CACNA1C: variants seen among roughly 807,000 people sequenced by gnomAD.
The protein encoded by CACNA1C is voltage-dependent L-type calcium channel subunit alpha-1C.
CACNA1C carries 30 observed loss-of-function variants against 229.0 expected under a neutral mutation model. That is an observed-to-expected ratio of 0.13 (90% CI 0.10 to 0.18). The LOEUF (loss-of-function observed/expected upper bound fraction) is 0.18, where lower values mean the gene tolerates loss of function less well. Among genes scored for constraint, CACNA1C ranks in the 10% least tolerant of loss-of-function variants. CACNA1C has a pLI of 1.00. For synonymous variants in CACNA1C, 1,114 were observed against 1,132.5 expected (o/e 0.98, Z 0.33); for missense variants, 1,658 against 2,845.0 (o/e 0.58, Z 9.49).
chr12:2,037,785 C>T (rs1392446330), intron 1 of CACNA1C, among the ~76,000 whole-genome samples: 1 of 152,202 alleles, frequency 6.6e-6, no homozygotes, highest in East Asian at 1.9e-4. Context: ...TCAGCCTCAC[C>T]TGGAAGCTTA....
At chr12:2,432,084 AC>A (rs1231527248) in intron 3 of CACNA1C, among the ~76,000 whole-genome samples, 1 of 152,214 alleles carries the variant, frequency 6.6e-6, no homozygotes, top group African/African-American at 2.4e-5. Context: ...AGCAAGGAGA[AC>A]AGACCCATTT....
At chr12:2,625,043 G>A (rs1461158774) in intron 29 of CACNA1C, among the ~76,000 whole-genome samples, 1 of 152,110 alleles carries the variant, frequency 6.6e-6, no homozygotes, top group Non-Finnish European at 1.5e-5. Context: ...GTGCCACGCA[G>A]TGCTCCTTAG....
At chr12:2,655,282 C>A in intron 34 of CACNA1C, 44 bp downstream of exon 34, 2 of 1,187,700 alleles carry the variant, frequency 1.7e-6, no homozygotes, top group African/African-American at 1.5e-5. Flanking sequence ...CACACACCTG[C>A]ATGGTGCCAC....
At chr12:2,552,855 A>G (rs1355728298) in intron 10 of CACNA1C, among the ~76,000 whole-genome samples, 1 of 152,120 alleles carries the variant, frequency 6.6e-6, no homozygotes, top group African/African-American at 2.4e-5. Context: ...GAGCATGTGA[A>G]GAGGAGTAGC....
Position 2,665,485 on chromosome 12 carries a change from C to A in CACNA1C, c.4399-96C>A. On this transcript the variant is annotated intron_variant, in intron 35 of 46. Transcript: ENST00000399655. The surrounding 1 kb of genome is among the most constrained non-coding windows in gnomAD (Gnocchi z 5.9). ...GATGACTGGTCTTTAGAAATGTTGGCTTCTGCCATCAGTAGGCCCCAGCTG... is the reference window on the plus strand; with the variant it reads ...GATGACTGGTCTTTAGAAATGTTGGATTCTGCCATCAGTAGGCCCCAGCTG... The A allele has an allele frequency of 7.4e-7, 1 of 1,355,018 alleles. No homozygotes were observed. Among genetic ancestry groups the A allele is most frequent in the Non-Finnish European group, 1.0e-6 (1 of 962,166 alleles). 83.9% of individuals were successfully genotyped at this position (1,355,018 alleles called of 1,614,324 possible). A position where few individuals can be genotyped will look rare whatever the true frequency, so the allele number is the denominator to read the frequency against.
chr12:2,106,606 C>T, intron 1 of CACNA1C, among the ~76,000 whole-genome samples: 1 of 111,460 alleles, frequency 9.0e-6, no homozygotes, highest in South Asian at 3.4e-4. Flanking sequence ...GAGAGGGTTT[C>T]CACCTCAGCT....
chr12:2,510,192 A>G (rs1261979655), intron 8 of CACNA1C, among the ~76,000 whole-genome samples: 1 of 152,190 alleles, frequency 6.6e-6, no homozygotes, highest in Non-Finnish European at 1.5e-5. Context: ...GGCCCAGTGC[A>G]GACTGTCAGG....
intron 3 of CACNA1C, among the ~76,000 whole-genome samples, chr12:2,236,026 A>G (rs892197884): frequency 1.3e-5 from 2 of 152,208 alleles, no homozygotes; most frequent in African/African-American, 4.8e-5. Flanking sequence ...GCTTATGGAC[A>G]TTTGCTTCTG....
At chr12:2,332,512 G>A (rs1230862011) in intron 3 of CACNA1C, among the ~76,000 whole-genome samples, 2 of 152,164 alleles carry the variant, frequency 1.3e-5, no homozygotes, top group Non-Finnish European at 2.9e-5. Flanking sequence ...TTGGCAATTT[G>A]TATTAAGAAT....
At chr12:2,135,548 C>G (rs191269361) in intron 3 of CACNA1C, among the ~76,000 whole-genome samples, 2,350 of 130,526 alleles carry the variant, frequency 0.018, 398 homozygotes, top group East Asian at 0.17. Context: ...AGCTGCAGGT[C>G]TGTTGGAGTA....
In CACNA1C at chr12:2,608,559, C is replaced by G. The variant is rs1324768943; in HGVS notation, c.3405C>G (p.Ile1135Met). The G allele has an allele frequency of 3.1e-6, 5 of 1,613,670 alleles. No homozygotes were observed. The highest frequency in any genetic ancestry group is 4.2e-6 in the Non-Finnish European group (5 of 1,179,760). ...CCCACACGGAAGACAAGGGCCCCAT[C>G]TACAACTACCGTGTGGAGATCTCCA... ...IDSHTEDKGP[I>M]YNYRVEISIF... The change falls in exon 27 of 47, where the codon ATC (isoleucine) becomes ATG (methionine). Residue 1135 changes from isoleucine (I) to methionine (M), a missense_variant. Ile to Met is a conservative substitution (Grantham distance 10, BLOSUM62 1). Around this residue, in one of 20 missense-constraint regions of CACNA1C, gnomAD observed 77 missense variants for 130.9 expected, o/e 0.59. Coordinates refer to ENST00000399655, the MANE Select transcript of CACNA1C (RefSeq NM_000719.7). This position sits in a 1 kb window ranked among gnomAD's most constrained non-coding sequence, Gnocchi z 4.2.
rs1183238852 is a variant in CACNA1C, at chr12:2,467,950, G to A, written c.757+10244G>A. On this transcript the variant is annotated intron_variant, in intron 5 of 46. Coordinates refer to ENST00000399655, the MANE Select transcript of CACNA1C (RefSeq NM_000719.7). The surrounding 1 kb of genome is among the most constrained non-coding windows in gnomAD (Gnocchi z 4.6). Reference sequence around the variant, plus strand: ...TGATGGGGGTGCCATGGATAAGGAGGAGATTCTACCTGTGCAGCCCTGTGA... The same window carrying A: ...TGATGGGGGTGCCATGGATAAGGAGAAGATTCTACCTGTGCAGCCCTGTGA... 8.5e-5 allele frequency among the ~76,000 whole-genome samples: 13 copies of A among 152,192 alleles called. No individual in the cohort carries two copies. Among genetic ancestry groups the A allele is most frequent in the Admixed American group, 8.5e-4 (13 of 15,284 alleles).
Position 2,493,467 on chromosome 12 carries a change from C to A in CACNA1C, c.1113+81C>A. On this transcript the variant is annotated intron_variant, in intron 7 of 46. Coordinates refer to ENST00000399655, the MANE Select transcript of CACNA1C (RefSeq NM_000719.7). This position sits in a 1 kb window ranked among gnomAD's most constrained non-coding sequence, Gnocchi z 4.6. ...CCCTGACACCTCCCTTTCTCCTCCT[C>A]CCCATGGTCTTGGGGTCACATACGC... 1 of 1,072,212 alleles carries A rather than the reference C, an allele frequency of 9.3e-7. No homozygotes were observed. Among genetic ancestry groups the A allele is most frequent in the Non-Finnish European group, 1.4e-6 (1 of 698,752 alleles). The allele number at this position is 1,072,212 out of a possible 1,614,324, so 66.4% of individuals were successfully genotyped here. A position where few individuals can be genotyped will look rare whatever the true frequency, so the allele number is the denominator to read the frequency against.
intron 1 of CACNA1C, among the ~76,000 whole-genome samples, chr12:2,092,210 C>T (rs1182049112): frequency 6.6e-6 from 1 of 152,184 alleles, no homozygotes; most frequent in Non-Finnish European, 1.5e-5. Context: ...TTATTGCCCG[C>T]CTCCTTCCCC....
rs549452142 is a variant in CACNA1C at position 2,215,077 on chromosome 12, G to T, written c.477+94647G>T. ...TGAGGACCTGCATTGCAGCGGGTGT[G>T]TCGGAGGGCTCAGCAAACGTGTGCT... On this transcript the variant is annotated intron_variant, in intron 3 of 46. Coordinates refer to ENST00000399655, the MANE Select transcript of CACNA1C (RefSeq NM_000719.7). This position sits in a 1 kb window ranked among gnomAD's most constrained non-coding sequence, Gnocchi z 5.0. Among the ~76,000 whole-genome samples, 2 of 152,282 alleles carry T rather than the reference G, an allele frequency of 1.3e-5. No individual in the cohort carries two copies. The highest frequency in any genetic ancestry group is 2.9e-5 in the Non-Finnish European group (2 of 68,022).
chr12:2,432,511 AC>A (rs2099095920), intron 3 of CACNA1C, among the ~76,000 whole-genome samples: 1 of 151,712 alleles, frequency 6.6e-6, no homozygotes, highest in South Asian at 2.1e-4. Context: ...TGGGAGTCTG[AC>A]CCTCTCCTCC....
intron 1 of CACNA1C, among the ~76,000 whole-genome samples, chr12:2,090,310 C>CTTTTTTTTTTT (rs145675982): frequency 7.2e-5 from 5 of 69,198 alleles, no homozygotes; most frequent in South Asian, 6.7e-4. Flanking sequence ...GGATAGACTA[C>CTTTTTTTTTTT]TTTTTTTTTT....
chr12:2,163,146 C>T (rs1036889063), intron 3 of CACNA1C, among the ~76,000 whole-genome samples: 40 of 147,012 alleles, frequency 2.7e-4, no homozygotes, highest in African/African-American at 7.0e-4. Context: ...TACCGTGAGC[C>T]GAGCCGAGAT....
At chr12:2,255,268 GAA>G (rs746929189) in intron 3 of CACNA1C, among the ~76,000 whole-genome samples, 5 of 95,654 alleles carry the variant, frequency 5.2e-5, no homozygotes, top group African/African-American at 1.5e-4. Flanking sequence ...TTCTGCTGCA[GAA>G]AAAAAAAAAA....
Sources: allele counts gnomAD v4.1 joint callset (sites outside exome capture counted in the v4.1 genomes callset), GRCh38; gene constraint gnomAD v4.1.1; regional missense constraint gnomAD v4.1.1; non-coding constraint Gnocchi (gnomAD v3.1); transcripts MANE v1.5; gene names NCBI Gene and HGNC (gene_info 2026-07-23, HGNC 2026-07-21).